The following PTPRT variants were observed in gnomAD, a reference collection of about 807,000 sequenced individuals.
The protein encoded by PTPRT is receptor-type tyrosine-protein phosphatase T.
Under a neutral mutation model 176.8 loss-of-function variants are expected in PTPRT, and 56 were observed. That is an observed-to-expected ratio of 0.32 (90% CI 0.26 to 0.40). PTPRT has a LOEUF of 0.40. Ranked by LOEUF, PTPRT falls within the 10% of genes least tolerant of loss-of-function variation. The probability of loss-of-function intolerance (pLI) is 1.00; values close to 1 mark genes in which losing one functional copy is unlikely to be tolerated. For synonymous variants in PTPRT, 783 were observed against 739.0 expected (o/e 1.06, Z -0.96); for missense variants, 1,540 against 1,908.2 (o/e 0.81, Z 3.60).
chr20:42,573,845 G>A (rs1363405206), intron 7 of PTPRT, among the ~76,000 whole-genome samples: 1 of 146,758 alleles, frequency 6.8e-6, no homozygotes, highest in African/African-American at 2.5e-5. Context: ...GCCCCTCCAG[G>A]TTTAAGCACT....
chr20:42,892,615 G>A (rs73910603), intron 1 of PTPRT, among the ~76,000 whole-genome samples: 8,968 of 152,248 alleles, frequency 0.059, 724 homozygotes, highest in African/African-American at 0.18. Context: ...AGATTAAGGT[G>A]ATCTGCCATG....
intron 16 of PTPRT, among the ~76,000 whole-genome samples, chr20:42,181,848 C>T (rs1420693818): frequency 6.6e-6 from 1 of 151,700 alleles, no homozygotes; most frequent in African/African-American, 2.4e-5. Flanking sequence ...TAAACATTTG[C>T]ATACAAGAAA....
At chr20:42,964,986 T>C (rs1034262001) in intron 1 of PTPRT, among the ~76,000 whole-genome samples, 1 of 152,248 alleles carries the variant, frequency 6.6e-6, no homozygotes, top group Non-Finnish European at 1.5e-5. Flanking sequence ...TTTAAAGTGA[T>C]TCTCTACCTA....
Position 42,619,563 on chromosome 20 carries a change from C to G in PTPRT, c.1153+58303G>C, listed in dbSNP as rs1423420058. On this transcript the variant is annotated intron_variant, in intron 7 of 30. Transcript: ENST00000373187. Reference sequence around the variant, plus strand: ...TCCAACTTGGTTCCATTCTCCCTGTCACTTTCAGGTACACCAATCAGACGT... The same window carrying G: ...TCCAACTTGGTTCCATTCTCCCTGTGACTTTCAGGTACACCAATCAGACGT... Among the ~76,000 whole-genome samples the G allele has an allele frequency of 1.6e-4, 22 of 134,232 alleles. No homozygotes were observed. The South Asian group carries it at 3.9e-3, about 24-fold the overall frequency. 88.1% of individuals were successfully genotyped at this position (134,232 alleles called of 152,430 possible).
At chr20:42,187,457 T>C (rs1479084905) in intron 16 of PTPRT, among the ~76,000 whole-genome samples, 1 of 152,172 alleles carries the variant, frequency 6.6e-6, no homozygotes, top group African/African-American at 2.4e-5. Context: ...ACCCAGAGAA[T>C]TATGGAAATG....
intron 13 of PTPRT, among the ~76,000 whole-genome samples, chr20:42,263,521 C>T (rs1024113827): frequency 1.3e-5 from 2 of 151,598 alleles, no homozygotes; most frequent in African/African-American, 2.4e-5. Context: ...CATGGAATTA[C>T]AGGTGCGTGC....
At chr20:43,040,242 A>G (rs1248020786) in intron 1 of PTPRT, among the ~76,000 whole-genome samples, 3 of 152,254 alleles carry the variant, frequency 2.0e-5, no homozygotes, top group Non-Finnish European at 4.4e-5. Context: ...CAGTAAGAAG[A>G]TAAAAAAGAC....
chr20:43,126,238 C>T (rs2013433583), intron 1 of PTPRT, among the ~76,000 whole-genome samples: 6 of 152,010 alleles, frequency 3.9e-5, no homozygotes, highest in Admixed American at 2.0e-4. Context: ...GTAATCCCAG[C>T]TACTTGGGAG....
At chr20:43,014,866 G>A (rs1985298605) in intron 1 of PTPRT, among the ~76,000 whole-genome samples, 1 of 152,118 alleles carries the variant, frequency 6.6e-6, no homozygotes, top group Admixed American at 6.5e-5. Flanking sequence ...GTGAAAGTGG[G>A]GGCCTAGATA....
intron 9 of PTPRT, among the ~76,000 whole-genome samples, chr20:42,399,329 C>T (rs1020800991): frequency 3.3e-5 from 5 of 152,308 alleles, no homozygotes; most frequent in South Asian, 2.1e-4. Context: ...CATCCTTCGG[C>T]GGTAGGAACT....
intron 12 of PTPRT, among the ~76,000 whole-genome samples, chr20:42,299,641 C>CTTTTTTTTT (rs34045854): frequency 1.0e-4 from 9 of 85,984 alleles, no homozygotes; most frequent in Admixed American, 1.5e-4. Flanking sequence ...GAACTTTTGC[C>CTTTTTTTTT]TTTTTTTTTT....
chr20:42,138,810 A>G (rs1019000777), intron 18 of PTPRT, among the ~76,000 whole-genome samples: 6 of 152,186 alleles, frequency 3.9e-5, no homozygotes, highest in Non-Finnish European at 8.8e-5. Context: ...ATCACTTGGA[A>G]GAAAGGAGAT....
intron 1 of PTPRT, among the ~76,000 whole-genome samples, chr20:43,187,885 A>C (rs1485260466): frequency 6.6e-6 from 1 of 152,228 alleles, no homozygotes; most frequent in Non-Finnish European, 1.5e-5. Flanking sequence ...CCTGATATGA[A>C]AGCAACCAGA....
At chr20:42,354,561 T>A (rs2058331869) in intron 9 of PTPRT, among the ~76,000 whole-genome samples, 4 of 152,336 alleles carry the variant, frequency 2.6e-5, no homozygotes, top group Admixed American at 2.6e-4. Flanking sequence ...GTGTTTCCTG[T>A]GTACTCCTGT....
chr20:42,231,945 C>G (rs976982812), intron 15 of PTPRT, among the ~76,000 whole-genome samples: 9 of 152,048 alleles, frequency 5.9e-5, no homozygotes, highest in Admixed American at 3.9e-4. Context: ...TATAGAATTC[C>G]TCTGCTCCTC....
In PTPRT at chr20:42,956,813, C is replaced by T. The variant is rs143527610; in HGVS notation, c.89-70881G>A. Among the ~76,000 whole-genome samples, 100 of 152,242 alleles carry T rather than the reference C, an allele frequency of 6.6e-4. 1 individual carries two copies. Among genetic ancestry groups the T allele is most frequent in the African/African-American group, 2.2e-3 (93 of 41,546 alleles). On this transcript the variant is annotated intron_variant, in intron 1 of 30. Coordinates refer to ENST00000373187, the MANE Select transcript of PTPRT (RefSeq NM_007050.6). ...CAGGACTATGCACTGGCCAAGAAGT[C>T]AAGGCTTGGGGAACAGGTGGGCCAA...
At chr20:43,094,279 G>T (rs2146312304) in intron 1 of PTPRT, among the ~76,000 whole-genome samples, 1 of 150,298 alleles carries the variant, frequency 6.7e-6, no homozygotes, top group East Asian at 2.0e-4. Context: ...GTAGAGACGG[G>T]GTTTCACCAT....
intron 1 of PTPRT, among the ~76,000 whole-genome samples, chr20:43,029,209 C>T (rs1361554115): frequency 6.6e-6 from 1 of 152,182 alleles, no homozygotes; most frequent in African/African-American, 2.4e-5. Context: ...CATGATGGTA[C>T]AGTAGTCACA....
At chr20:42,842,723 A>C (rs1022156335) in intron 2 of PTPRT, among the ~76,000 whole-genome samples, 6 of 152,194 alleles carry the variant, frequency 3.9e-5, no homozygotes, top group Non-Finnish European at 8.8e-5. Flanking sequence ...CCTGGCCTAA[A>C]TTTATTGATC....
Sources: allele counts gnomAD v4.1 joint callset (sites outside exome capture counted in the v4.1 genomes callset), GRCh38; gene constraint gnomAD v4.1.1; transcripts MANE v1.5; gene names NCBI Gene and HGNC (gene_info 2026-07-23, HGNC 2026-07-21).